UNC79: variants seen among roughly 807,000 people sequenced by gnomAD.
The protein encoded by UNC79 is protein unc-79 homolog.
A neutral mutation model predicts 283.1 loss-of-function variants in UNC79; 37 were observed. That is an observed-to-expected ratio of 0.13 (90% CI 0.10 to 0.17). The LOEUF is 0.17. Ranked by LOEUF, UNC79 falls within the 10% of genes least tolerant of loss-of-function variation. UNC79 has a pLI of 1.00. For missense variants in UNC79, 2,272 were observed against 3,211.1 expected (o/e 0.71, Z 7.07); for synonymous variants, 1,107 against 1,200.2 (o/e 0.92, Z 1.61).
exon 4 of UNC79, chr14:93,477,568 G>A: frequency 6.3e-7 from 1 of 1,599,956 alleles, no homozygotes; most frequent in Non-Finnish European, 8.5e-7. Context: ...ATCTTGGACA[G>A]TCGATATTTT....
chr14:93,348,188 C>A lies in UNC79; in HGVS notation c.-351+14665C>A, dbSNP rs1047640581. On this transcript the variant is annotated intron_variant, in intron 1 of 49. Coordinates refer to the UNC79 transcript ENST00000256339. Reference sequence around the variant, plus strand: ...TCAGAAAAAGCTGTGTTTTTGTTAACGAGCAAAATTGCCTAGTTGAGTTGA... The same window carrying A: ...TCAGAAAAAGCTGTGTTTTTGTTAAAGAGCAAAATTGCCTAGTTGAGTTGA... 6 of 953,190 alleles carry A rather than the reference C, an allele frequency of 6.3e-6. No homozygotes were observed. In the Admixed American group the frequency reaches 8.9e-5, roughly 14 times the overall value. The allele number at this position is 953,190 out of a possible 1,614,324, so 59.0% of individuals were successfully genotyped here. A position where few individuals can be genotyped will look rare whatever the true frequency, so the allele number is the denominator to read the frequency against.
intron 7 of UNC79, among the ~76,000 whole-genome samples, chr14:93,509,913 AG>A (rs2059737467): frequency 6.6e-6 from 1 of 152,184 alleles, no homozygotes; most frequent in Admixed American, 6.5e-5. Flanking sequence ...TTGCCCTAGT[AG>A]AGGTTCTCCG....
rs916584928 is a variant in UNC79 at position 93,620,056 on chromosome 14, A to G, written c.4388-1565A>G. Among the ~76,000 whole-genome samples, 20 of 152,330 alleles carry G rather than the reference A, an allele frequency of 1.3e-4. 2 individuals carry two copies. The highest frequency in any genetic ancestry group is 1.2e-3 in the Admixed American group (18 of 15,292). On this transcript the variant is annotated intron_variant, in intron 29 of 48. Transcript: ENST00000555664. ...TTATCTTGGATTTAAAAATGGCCACATGGGTGTAGAAGGGAGGACGTAGAA... is the reference window on the plus strand; with the variant it reads ...TTATCTTGGATTTAAAAATGGCCACGTGGGTGTAGAAGGGAGGACGTAGAA...
Position 93,477,737 on chromosome 14 carries a change from A to G in UNC79, c.619+9A>G. On this transcript the variant is annotated intron_variant, in intron 4 of 48. Coordinates refer to ENST00000555664, the Ensembl canonical transcript of UNC79. ...TCTACCAATGGCTATATGTAAGTCC[A>G]ATCTTACCTAATACTAGATTATTTT... The G allele has an allele frequency of 1.2e-6, 2 of 1,605,122 alleles. No individual in the cohort carries two copies. Among genetic ancestry groups the G allele is most frequent in the Non-Finnish European group, 1.7e-6 (2 of 1,175,996 alleles).
intron 14 of UNC79, among the ~76,000 whole-genome samples, chr14:93,544,845 A>G (rs1369986163): frequency 6.6e-6 from 1 of 152,228 alleles, no homozygotes; most frequent in Non-Finnish European, 1.5e-5. Context: ...GAGTGAGAAC[A>G]TCGGTGTCAC....
chr14:93,403,206 A>G (rs770886790), intron 1 of UNC79, among the ~76,000 whole-genome samples: 22 of 152,232 alleles, frequency 1.4e-4, no homozygotes, highest in Non-Finnish European at 2.6e-4. Context: ...CATAAACAAT[A>G]GGACAGAGGA....
upstream of UNC79, among the ~76,000 whole-genome samples, chr14:93,425,710 C>G (rs1200735828): frequency 6.6e-6 from 1 of 152,078 alleles, no homozygotes; most frequent in Non-Finnish European, 1.5e-5. Context: ...TAAACATAAA[C>G]ATAAATTTAA....
At position 93,655,169 on chromosome 14, in the gene UNC79, C is replaced by T. The variant is rs890403978; in HGVS notation, c.6283-65C>T. On this transcript the variant is annotated intron_variant, in intron 37 of 48. Transcript: ENST00000555664. ...GATGTGACTTTTAAACTGACATTTA[C>T]CAAATAGCGCTATGCATTCCCGTGC... 9.0e-6 allele frequency: 14 copies of T among 1,559,882 alleles called. No individual in the cohort carries two copies. The African/African-American group carries it at 1.9e-4, about 21-fold the overall frequency.
chr14:93,564,562 CG>C (rs1450290831), intron 14 of UNC79, among the ~76,000 whole-genome samples: 1 of 152,192 alleles, frequency 6.6e-6, no homozygotes. Context: ...ATCTGAGTCA[CG>C]GCACCGAATT....
intron 30 of UNC79, among the ~76,000 whole-genome samples, chr14:93,624,125 G>A (rs577015526): frequency 1.3e-4 from 20 of 152,194 alleles, no homozygotes; most frequent in South Asian, 6.2e-4. Flanking sequence ...ACGTTTTCCC[G>A]CTGTTCCACA....
At chr14:93,523,481 T>C (rs2060416291) in intron 7 of UNC79, among the ~76,000 whole-genome samples, 1 of 152,172 alleles carries the variant, frequency 6.6e-6, no homozygotes. Flanking sequence ...AAACGCTTAC[T>C]GGTGCCAAGA....
intron 1 of UNC79, among the ~76,000 whole-genome samples, chr14:93,395,767 C>T (rs2054982571): frequency 6.6e-6 from 1 of 152,116 alleles, no homozygotes. Context: ...GAGAAATCAG[C>T]TGTTGATCTT....
chr14:93,450,903 G>C (rs1187761014), intron 1 of UNC79, among the ~76,000 whole-genome samples: 1 of 151,994 alleles, frequency 6.6e-6, no homozygotes, highest in Non-Finnish European at 1.5e-5. Flanking sequence ...CCTGATATTG[G>C]ATATCCTGAA....
At chr14:93,630,477 C>A (rs2067937267) in intron 30 of UNC79, among the ~76,000 whole-genome samples, 1 of 152,128 alleles carries the variant, frequency 6.6e-6, no homozygotes, top group Non-Finnish European at 1.5e-5. Flanking sequence ...ATATTTAGGT[C>A]TTAGATGAAA....
At chr14:93,339,933 G>C (rs1011300057) in intron 1 of UNC79, among the ~76,000 whole-genome samples, 6 of 152,250 alleles carry the variant, frequency 3.9e-5, no homozygotes, top group Non-Finnish European at 1.5e-5. Flanking sequence ...TCTGACTAGA[G>C]TGAACGGGAA....
chr14:93,671,565 G>A (rs766448053), intron 40 of UNC79, among the ~76,000 whole-genome samples: 32 of 152,132 alleles, frequency 2.1e-4, no homozygotes, highest in Non-Finnish European at 4.0e-4. Flanking sequence ...CTGAGATTGG[G>A]AGTACAAGAC....
intron 1 of UNC79, among the ~76,000 whole-genome samples, chr14:93,346,025 A>G (rs1298504199): frequency 1.3e-5 from 2 of 151,418 alleles, no homozygotes; most frequent in Non-Finnish European, 1.5e-5. Context: ...TCTGAAGGAC[A>G]ATGATTTTGA....
chr14:93,578,093 A>G, intron 18 of UNC79, 30 bp downstream of exon 18: 1 of 1,600,906 alleles, frequency 6.2e-7, no homozygotes, highest in Non-Finnish European at 8.5e-7. Context: ...CCTTTAGTTC[A>G]GAGGTGAAGA....
chr14:93,477,759 T>C, intron 4 of UNC79, 31 bp downstream of exon 4: 4 of 1,583,776 alleles, frequency 2.5e-6, no homozygotes, highest in Non-Finnish European at 3.4e-6. Flanking sequence ...TACTAGATTA[T>C]TTTTATGTAT....
Sources: allele counts gnomAD v4.1 joint callset (sites outside exome capture counted in the v4.1 genomes callset), GRCh38; gene constraint gnomAD v4.1.1; transcripts MANE v1.5; gene names NCBI Gene and HGNC (gene_info 2026-07-23, HGNC 2026-07-21).